TENM2: variants seen among roughly 807,000 people sequenced by gnomAD.
TENM2 encodes the protein teneurin transmembrane protein 2.
TENM2 carries 52 observed loss-of-function variants against 245.2 expected under a neutral mutation model. That is an observed-to-expected ratio of 0.21 (90% CI 0.17 to 0.27). The LOEUF (loss-of-function observed/expected upper bound fraction) is 0.27, where lower values mean the gene tolerates loss of function less well. TENM2 is among the 10% of genes least tolerant of loss of function. The probability of loss-of-function intolerance (pLI) is 1.00; values close to 1 mark genes in which losing one functional copy is unlikely to be tolerated. For synonymous variants in TENM2, 1,363 were observed against 1,438.9 expected (o/e 0.95, Z 1.19); for missense variants, 3,046 against 3,666.8 (o/e 0.83, Z 4.37).
intron 2 of TENM2, among the ~76,000 whole-genome samples, chr5:167,807,154 A>AAAG (rs1317781129): frequency 1.8e-4 from 25 of 142,550 alleles, no homozygotes; most frequent in East Asian, 1.2e-3. Flanking sequence ...AAAAAAAAAA[A>AAAG]AAGAAGAAGA....
the TENM2 span, among the ~76,000 whole-genome samples, chr5:166,989,252 CTTTTTTTTT>C: frequency 1.4e-4 from 8 of 56,960 alleles, no homozygotes; most frequent in Admixed American, 5.5e-4. Flanking sequence ...CCAAGCTAAT[CTTTTTTTTT>C]TTTTTTTTTT....
At chr5:168,189,141 A>G (rs1470405058) in intron 13 of TENM2, among the ~76,000 whole-genome samples, 2 of 152,176 alleles carry the variant, frequency 1.3e-5, no homozygotes, top group African/African-American at 4.8e-5. Context: ...TCATCCATTT[A>G]TAGGAGTTCC....
intron 2 of TENM2, among the ~76,000 whole-genome samples, chr5:167,672,934 T>C (rs1445971309): frequency 4.6e-5 from 7 of 150,588 alleles, no homozygotes; most frequent in Non-Finnish European, 1.0e-4. Context: ...AAAAAGATGA[T>C]TTCTCGAACT....
rs557740858 is a variant in TENM2, at chr5:168,185,871, G to T, written c.2570-4466G>T. On this transcript the variant is annotated intron_variant, in intron 13 of 28. Coordinates refer to ENST00000518659, the Ensembl canonical transcript of TENM2. ...AGTGGAAGACTTCAGGGAGTTTCTG[G>T]TTATAGTTATAGTTCATTGGACATA... 4.5e-3 allele frequency among the ~76,000 whole-genome samples: 630 copies of T among 140,354 alleles called. 7 individuals carry two copies. Among genetic ancestry groups the T allele is most frequent in the African/African-American group, 0.015 (600 of 39,112 alleles). 92.1% of individuals were successfully genotyped at this position (140,354 alleles called of 152,430 possible).
chr5:168,107,320 CCTCCAGAGTT>C (rs751247724), intron 9 of TENM2, among the ~76,000 whole-genome samples: 32 of 152,194 alleles, frequency 2.1e-4, no homozygotes, highest in Non-Finnish European at 4.1e-4. Flanking sequence ...CTCCTCCCCA[CCTCCAGAGTT>C]CTCCAGAGTT....
chr5:167,165,418 G>T, the TENM2 span: 2 of 152,154 alleles, frequency 1.3e-5, no homozygotes, highest in Non-Finnish European at 2.9e-5. Flanking sequence ...ACTTGGCTCA[G>T]TGTGGAAATA....
chr5:167,613,076 G>A (rs1161812445), intron 2 of TENM2, among the ~76,000 whole-genome samples: 2 of 152,060 alleles, frequency 1.3e-5, no homozygotes, highest in Non-Finnish European at 2.9e-5. Context: ...CAAATTAATA[G>A]CAACTACCAA....
chr5:167,910,608 A>C (rs1333291436), intron 3 of TENM2, among the ~76,000 whole-genome samples: 1 of 152,226 alleles, frequency 6.6e-6, no homozygotes. Context: ...ATTGAACTCC[A>C]CTAACTTATA....
the TENM2 span, among the ~76,000 whole-genome samples, chr5:167,229,177 A>G: frequency 6.6e-6 from 1 of 152,010 alleles, no homozygotes; most frequent in East Asian, 1.9e-4. Flanking sequence ...TTTGTTGGTG[A>G]CTTAGGGTAT....
At chr5:167,697,136 C>G (rs569349978) in intron 2 of TENM2, among the ~76,000 whole-genome samples, 1 of 152,260 alleles carries the variant, frequency 6.6e-6, no homozygotes, top group South Asian at 2.1e-4. Context: ...TTGTGACAAC[C>G]AAAAATGCCT....
chr5:167,263,157 A>ATTTTG, the TENM2 span, among the ~76,000 whole-genome samples: 17,244 of 152,156 alleles, frequency 0.11, 1,140 homozygotes, highest in East Asian at 0.19. Context: ...TCCCGGTAGC[A>ATTTTG]TTTTAAGTAA....
chr5:167,985,591 T>TGA (rs954040677), intron 4 of TENM2, among the ~76,000 whole-genome samples: 5 of 151,402 alleles, frequency 3.3e-5, no homozygotes, highest in Admixed American at 2.6e-4. Context: ...GGATACGGGG[T>TGA]GAGAGAGAGA....
chr5:167,463,650 C>T (rs1766467168), intron 2 of TENM2, among the ~76,000 whole-genome samples: 1 of 151,970 alleles, frequency 6.6e-6, no homozygotes, highest in Admixed American at 6.6e-5. Context: ...GGGCATGCAC[C>T]ATCATGCCCA....
chr5:167,697,876 C>G (rs1254309059), intron 2 of TENM2, among the ~76,000 whole-genome samples: 1 of 152,174 alleles, frequency 6.6e-6, no homozygotes, highest in East Asian at 1.9e-4. Context: ...TGTGGACCTA[C>G]TATTCTATCA....
At position 167,527,670 on chromosome 5, in the gene TENM2, C is replaced by A. The variant is rs115055434; in HGVS notation, c.502+152197C>A. ...GTGCATACATCTCTTATTTTTTCAT[C>A]AAATACATTATTTGCACGTTATGAC... On this transcript the variant is annotated intron_variant, in intron 2 of 28. Transcript: ENST00000518659. Among the ~76,000 whole-genome samples, 1,161 of 152,214 alleles carry A rather than the reference C, an allele frequency of 7.6e-3. 20 individuals are homozygous for A. Among genetic ancestry groups the A allele is most frequent in the African/African-American group, 0.027 (1,113 of 41,532 alleles).
At chr5:166,985,232 G>A in the TENM2 span, among the ~76,000 whole-genome samples, 1 of 152,130 alleles carries the variant, frequency 6.6e-6, no homozygotes, top group Non-Finnish European at 1.5e-5. Flanking sequence ...GGAGCCTGGT[G>A]TGATATGATA....
In TENM2 at chr5:167,647,153, A is replaced by G. The variant is rs1563730; in HGVS notation, c.503-228833A>G. On this transcript the variant is annotated intron_variant, in intron 2 of 28. Coordinates refer to ENST00000518659, the Ensembl canonical transcript of TENM2. ...ACCAGTCCTAAGACATTACGGTAGA[A>G]GTAGACTGCAGAAGAGACATAAATA... Among the ~76,000 whole-genome samples, 2,325 of 152,294 alleles carry G rather than the reference A, an allele frequency of 0.015. 77 individuals are homozygous for G. The East Asian group carries it at 0.15, about 10-fold the overall frequency.
intron 12 of TENM2, among the ~76,000 whole-genome samples, chr5:168,146,723 A>G (rs937351995): frequency 5.9e-5 from 9 of 152,204 alleles, no homozygotes; most frequent in Admixed American, 2.6e-4. Context: ...TACTGTTAGC[A>G]TCATCATTTC....
At chr5:167,117,407 G>T in the TENM2 span, among the ~76,000 whole-genome samples, 3 of 152,320 alleles carry the variant, frequency 2.0e-5, no homozygotes, top group Non-Finnish European at 4.4e-5. Context: ...GGAGGCTGAG[G>T]CAGGAGAATG....
Sources: allele counts gnomAD v4.1 joint callset (sites outside exome capture counted in the v4.1 genomes callset), GRCh38; gene constraint gnomAD v4.1.1; transcripts MANE v1.5; gene names NCBI Gene and HGNC (gene_info 2026-07-23, HGNC 2026-07-21).